The following TNIP2 variants were observed in gnomAD, a reference collection of about 807,000 sequenced individuals.
TNIP2 encodes TNFAIP3-interacting protein 2.
A neutral mutation model predicts 43.7 loss-of-function variants in TNIP2; 30 were observed. The observed-to-expected ratio is 0.69, with a 90% CI of 0.51 to 0.93. TNIP2 has a LOEUF of 0.93. TNIP2 is among the 40% of genes least tolerant of loss of function. The probability of loss-of-function intolerance (pLI) is 0.00; values close to 1 mark genes in which losing one functional copy is unlikely to be tolerated. For synonymous variants in TNIP2, 260 were observed against 254.6 expected (o/e 1.02, Z -0.20); for missense variants, 599 against 591.0 (o/e 1.01, Z -0.14).
chr4:2,751,099 G>C (rs760944048), intron 1 of TNIP2, among the ~76,000 whole-genome samples: 15 of 152,240 alleles, frequency 9.9e-5, no homozygotes, highest in Non-Finnish European at 1.9e-4. Context: ...GAGGGCCCCA[G>C]GACCCCTCCA....
chr4:2,744,489 A>T lies in TNIP2; in HGVS notation c.924T>A (p.Asp308Glu). Reference sequence around the variant, plus strand: ...GATCGGCCCTTTCTGACATGAAGTCATCCTTGTAAGCGAGAATCTGAAGAG... The same window carrying T: ...GATCGGCCCTTTCTGACATGAAGTCTTCCTTGTAAGCGAGAATCTGAAGAG... ...MLEQQILAYK[D>E]DFMSERADRE... Residue 308 changes from aspartate (D) to glutamate (E), a missense_variant, in exon 5 of 6, where the codon GAT becomes GAA. Transcript: ENST00000315423. This position sits in a 1 kb window ranked among gnomAD's most constrained non-coding sequence, Gnocchi z 5.1. 1 of 1,614,142 alleles carries T rather than the reference A, an allele frequency of 6.2e-7. No individual in the cohort carries two copies. The highest frequency in any genetic ancestry group is 8.5e-7 in the Non-Finnish European group (1 of 1,180,000).
In TNIP2 at chr4:2,743,503, A is replaced by G. The variant is rs3733225; in HGVS notation, c.1026+884T>C. On this transcript the variant is annotated intron_variant, in intron 5 of 5. Transcript: ENST00000315423. ...GACTTAGTCCCAGGGTTAGTCCCAT[A>G]GTCCACCATGACTCTCCCGTGCCCT... Among the ~76,000 whole-genome samples the G allele has an allele frequency of 1.3e-3, 196 of 152,328 alleles. 1 individual carries two copies. The East Asian group carries it at 0.036, about 28-fold the overall frequency.
intron 1 of TNIP2, among the ~76,000 whole-genome samples, chr4:2,754,443 G>C (rs767702495): frequency 6.6e-6 from 1 of 152,274 alleles, no homozygotes; most frequent in Non-Finnish European, 1.5e-5. Flanking sequence ...TTGAGACGGA[G>C]TCTCGCTCTG....
intron 1 of TNIP2, among the ~76,000 whole-genome samples, chr4:2,752,771 C>G (rs903192052): frequency 6.6e-6 from 1 of 152,204 alleles, no homozygotes; most frequent in African/African-American, 2.4e-5. Context: ...AAGGCCAGCA[C>G]AGTGGCTCAC....
intron 1 of TNIP2, among the ~76,000 whole-genome samples, chr4:2,749,159 G>C (rs549424259): frequency 1.3e-5 from 2 of 152,072 alleles, no homozygotes; most frequent in East Asian, 1.9e-4. Flanking sequence ...TTTGAGATGA[G>C]GGTTTCGCTA....
At chr4:2,750,037 G>C (rs957077050) in intron 1 of TNIP2, among the ~76,000 whole-genome samples, 2 of 152,158 alleles carry the variant, frequency 1.3e-5, no homozygotes, top group African/African-American at 4.8e-5. Flanking sequence ...TCCTGGACTT[G>C]AGTGATCCGC....
At chr4:2,755,551 C>A (rs555528044) in intron 1 of TNIP2, among the ~76,000 whole-genome samples, 17 of 146,876 alleles carry the variant, frequency 1.2e-4, no homozygotes, top group African/African-American at 4.1e-4. Context: ...CTCACCTCCA[C>A]CAGCACCTGG....
intron 1 of TNIP2, among the ~76,000 whole-genome samples, chr4:2,753,636 C>T (rs992165372): frequency 4.6e-5 from 7 of 152,190 alleles, no homozygotes; most frequent in Admixed American, 4.6e-4. Flanking sequence ...CCAATGGCCA[C>T]CGACTGCAAG....
chr4:2,742,151 C>G lies in TNIP2; in HGVS notation c.*106G>C. 3 of 1,169,638 alleles carry G rather than the reference C, an allele frequency of 2.6e-6. No homozygotes were observed. The highest frequency in any genetic ancestry group is 3.4e-6 in the Non-Finnish European group (3 of 892,406). The allele number at this position is 1,169,638 out of a possible 1,614,324, so 72.5% of individuals were successfully genotyped here. A position where few individuals can be genotyped will look rare whatever the true frequency, so the allele number is the denominator to read the frequency against. ...AGTGCCCCGCAACTATTCTAGGGGCCTTGGCTCTCAGTAGAGCTCAACCCA... is the reference window on the plus strand; with the variant it reads ...AGTGCCCCGCAACTATTCTAGGGGCGTTGGCTCTCAGTAGAGCTCAACCCA... On this transcript the variant is annotated 3_prime_UTR_variant, in exon 6 of 6. Coordinates refer to ENST00000315423, the MANE Select transcript of TNIP2 (RefSeq NM_024309.4).
chr4:2,750,078 T>C (rs6851171), intron 1 of TNIP2, among the ~76,000 whole-genome samples: 52,598 of 152,216 alleles, frequency 0.35, 10,683 homozygotes, highest in Admixed American at 0.54. Flanking sequence ...GCTGGGATTA[T>C]AGGCACGAGC....
intron 1 of TNIP2, among the ~76,000 whole-genome samples, chr4:2,751,333 G>T (rs1259507472): frequency 6.6e-6 from 1 of 152,216 alleles, no homozygotes; most frequent in African/African-American, 2.4e-5. Flanking sequence ...AGGAAAGCCT[G>T]TCGCCGGGAC....
chr4:2,747,522 C>T (rs1248692787), intron 2 of TNIP2, 133 bp downstream of exon 2: 6 of 885,454 alleles, frequency 6.8e-6, no homozygotes, highest in Middle Eastern at 3.5e-4. Context: ...AGCTTTGCCC[C>T]GTCAGCTGAC....
chr4:2,743,937 AG>A (rs931974591), intron 5 of TNIP2, among the ~76,000 whole-genome samples: 1 of 152,120 alleles, frequency 6.6e-6, no homozygotes, highest in Non-Finnish European at 1.5e-5. Flanking sequence ...GGGTGGGGTG[AG>A]GGGCCCCTGC....
At chr4:2,749,654 G>GCCGAT (rs1722053131) in intron 1 of TNIP2, among the ~76,000 whole-genome samples, 1 of 152,218 alleles carries the variant, frequency 6.6e-6, no homozygotes, top group African/African-American at 2.4e-5. Flanking sequence ...TTGAGAGAGA[G>GCCGAT]CCGATGCCTT....
intron 2 of TNIP2, 68 bp from the exon 3 acceptor site, chr4:2,745,603 A>G (rs571326607): frequency 1.8e-6 from 2 of 1,111,916 alleles, no homozygotes; most frequent in African/African-American, 1.5e-5. Flanking sequence ...AGCTAGACCC[A>G]GAGGCTGAGG....
In TNIP2 at chr4:2,744,331, GA is replaced by G. The variant is rs1278698803; in HGVS notation, c.1026+55del. 9 of 1,609,214 alleles carry G rather than the reference GA, an allele frequency of 5.6e-6. No individual in the cohort carries two copies. Among genetic ancestry groups the G allele is most frequent in the African/African-American group, 1.3e-5 (1 of 74,670 alleles). On this transcript the variant is annotated intron_variant, in intron 5 of 5. Coordinates refer to ENST00000315423, the MANE Select transcript of TNIP2 (RefSeq NM_024309.4). The surrounding 1 kb of genome is among the most constrained non-coding windows in gnomAD (Gnocchi z 5.1). The stretch of plus-strand genomic sequence containing the variant: ...ACACAGAAAGGCTCTAATCTCATGA[GA>G]AGAGAAACAAAAACACTAAACCTAA...
chr4:2,744,481 A>G lies in TNIP2; in HGVS notation c.932T>C (p.Met311Thr). 1 of 1,614,204 alleles carries G rather than the reference A, an allele frequency of 6.2e-7. No individual in the cohort carries two copies. ...CCGTTCCCGATCGGCCCTTTCTGAC[A>G]TGAAGTCATCCTTGTAAGCGAGAAT... The part of the protein sequence containing the change: ...QQILAYKDDF[M>T]SERADRERAQ... The change falls in exon 5 of 6, where the codon ATG becomes ACG. Residue 311 changes from methionine to threonine, a missense_variant. Transcript: ENST00000315423. This position sits in a 1 kb window ranked among gnomAD's most constrained non-coding sequence, Gnocchi z 5.1.
chr4:2,750,577 G>A (rs929270354), intron 1 of TNIP2, among the ~76,000 whole-genome samples: 3 of 151,958 alleles, frequency 2.0e-5, no homozygotes, highest in Admixed American at 6.6e-5. Context: ...TGGGCTCGAG[G>A]TCAAGGCTGC....
intron 5 of TNIP2, among the ~76,000 whole-genome samples, chr4:2,743,047 G>A (rs1014625348): frequency 6.6e-6 from 1 of 152,146 alleles, no homozygotes; most frequent in African/African-American, 2.4e-5. Context: ...CCAAACATCC[G>A]TCCTGAAGCA....
Sources: allele counts gnomAD v4.1 joint callset (sites outside exome capture counted in the v4.1 genomes callset), GRCh38; gene constraint gnomAD v4.1.1; non-coding constraint Gnocchi (gnomAD v3.1); transcripts MANE v1.5; gene names NCBI Gene and HGNC (gene_info 2026-07-23, HGNC 2026-07-21).